Variants in KCNH7 observed in about 807,000 individuals in gnomAD.
The protein encoded by KCNH7 is voltage-gated inwardly rectifying potassium channel KCNH7.
KCNH7 carries 49 observed loss-of-function variants against 120.8 expected under a neutral mutation model. That is an observed-to-expected ratio of 0.41 (90% confidence interval 0.32 to 0.51). KCNH7 has a LOEUF of 0.51. Among genes scored for constraint, KCNH7 ranks in the 20% least tolerant of loss-of-function variants. KCNH7 has a pLI of 0.38. For synonymous variants in KCNH7, 547 were observed against 516.1 expected (o/e 1.06, Z -0.81); for missense variants, 1,097 against 1,446.6 (o/e 0.76, Z 3.92).
chr2:162,823,769 A>G (rs1379043359), intron 2 of KCNH7, among the ~76,000 whole-genome samples: 2 of 152,166 alleles, frequency 1.3e-5, no homozygotes, highest in Admixed American at 6.6e-5. Context: ...TCACCATCCA[A>G]CTAAAGTGGT....
chr2:162,426,636 A>G (rs940267291), intron 8 of KCNH7, among the ~76,000 whole-genome samples: 2 of 152,208 alleles, frequency 1.3e-5, no homozygotes, highest in Non-Finnish European at 1.5e-5. Flanking sequence ...TGGTCAGAAG[A>G]TATTAGCTGA....
At chr2:162,405,388 A>G (rs1249487079) in intron 9 of KCNH7, among the ~76,000 whole-genome samples, 1 of 151,992 alleles carries the variant, frequency 6.6e-6, no homozygotes, top group African/African-American at 2.4e-5. Context: ...ACAACAAAAC[A>G]TAATAACATT....
At chr2:162,373,949 A>G (rs567975047) in intron 14 of KCNH7, among the ~76,000 whole-genome samples, 3 of 152,332 alleles carry the variant, frequency 2.0e-5, no homozygotes, top group Non-Finnish European at 4.4e-5. Flanking sequence ...TTCAAAATGT[A>G]AAACACACTG....
At chr2:162,645,044 T>C (rs563538454) in intron 2 of KCNH7, among the ~76,000 whole-genome samples, 1 of 152,216 alleles carries the variant, frequency 6.6e-6, no homozygotes, top group Non-Finnish European at 1.5e-5. Context: ...AGTACAACTT[T>C]TCTGCTCTGT....
chr2:162,485,662 G>T (rs1690071516), intron 6 of KCNH7, among the ~76,000 whole-genome samples: 1 of 152,182 alleles, frequency 6.6e-6, no homozygotes, highest in African/African-American at 2.4e-5. Context: ...GAGAGAGAAT[G>T]TATGAGAACT....
In KCNH7 at chr2:162,429,383, CTT is replaced by C. The variant is rs60854157; in HGVS notation, c.1954+5813_1954+5814del. Reference sequence around the variant, plus strand: ...AGACATTTAGAAATGAGGAAAAAGTCTTTTTTTTTTTTTTTTTTTTTTACTCA... The same window carrying C: ...AGACATTTAGAAATGAGGAAAAAGTCTTTTTTTTTTTTTTTTTTTTACTCA... On this transcript the variant is annotated intron_variant, in intron 8 of 15. Coordinates refer to ENST00000332142, the MANE Select transcript of KCNH7 (RefSeq NM_033272.4). Among the ~76,000 whole-genome samples, 216 of 86,242 alleles carry C rather than the reference CTT, an allele frequency of 2.5e-3. 4 individuals carry two copies. Among genetic ancestry groups the C allele is most frequent in the African/African-American group, 0.012 (196 of 15,976 alleles). 56.6% of individuals were successfully genotyped at this position (86,242 alleles called of 152,430 possible). A position where few individuals can be genotyped will look rare whatever the true frequency, so the allele number is the denominator to read the frequency against.
chr2:162,646,900 C>G (rs574020241), intron 2 of KCNH7, among the ~76,000 whole-genome samples: 1 of 152,172 alleles, frequency 6.6e-6, no homozygotes, highest in Non-Finnish European at 1.5e-5. Context: ...GAGCAAAAAA[C>G]CCAGCTGAGT....
chr2:162,372,021 G>A lies in KCNH7; in HGVS notation c.3399C>T (p.Asn1133=). 1.2e-6 allele frequency: 2 copies of A among 1,612,468 alleles called. No homozygotes were observed. The highest frequency in any genetic ancestry group is 1.7e-6 in the Non-Finnish European group (2 of 1,178,626). ...KESLSSGVHL[N]TASEDNLTSL... is the part of the protein sequence containing the mutation. ...AAGTCAAGTTGTCTTCTGAAGCTGT[G>A]TTCAGATGCACCCCACTTGAAAGGG... Residue 1133 remains asparagine (N), a synonymous_variant, in exon 16 of 16, where the codon AAC becomes AAT. Transcript: ENST00000332142.
At chr2:162,533,498 GA>G (rs1350693544) in intron 3 of KCNH7, among the ~76,000 whole-genome samples, 12 of 151,514 alleles carry the variant, frequency 7.9e-5, no homozygotes, top group Admixed American at 7.2e-4. Flanking sequence ...AAAGAAAATG[GA>G]AAAAAGAAAA....
At chr2:162,402,347 G>A (rs1687090306) in intron 9 of KCNH7, among the ~76,000 whole-genome samples, 1 of 147,872 alleles carries the variant, frequency 6.8e-6, no homozygotes, top group African/African-American at 2.5e-5. Context: ...AACTGGAGTT[G>A]AACTAAATTT....
At chr2:162,386,511 C>T (rs1278277864) in intron 12 of KCNH7, among the ~76,000 whole-genome samples, 2 of 151,796 alleles carry the variant, frequency 1.3e-5, no homozygotes, top group Non-Finnish European at 2.9e-5. Flanking sequence ...GTGAATTGCA[C>T]CAGTTTGCTC....
intron 2 of KCNH7, among the ~76,000 whole-genome samples, chr2:162,632,832 T>C (rs1322697478): frequency 6.6e-6 from 1 of 151,802 alleles, no homozygotes; most frequent in South Asian, 2.1e-4. Context: ...ACAAATAAAT[T>C]TTATATGAAT....
At chr2:162,701,223 G>T (rs1303533319) in intron 2 of KCNH7, among the ~76,000 whole-genome samples, 1 of 151,932 alleles carries the variant, frequency 6.6e-6, no homozygotes, top group East Asian at 1.9e-4. Flanking sequence ...TCATTTCTGT[G>T]GTTATTTTTC....
intron 5 of KCNH7, among the ~76,000 whole-genome samples, chr2:162,509,764 T>TGC (rs1553485815): frequency 3.3e-5 from 5 of 151,564 alleles, no homozygotes; most frequent in South Asian, 2.1e-4. Flanking sequence ...ATTTATTTCA[T>TGC]TTATGAGTCA....
At chr2:162,426,214 TA>T (rs751111957) in intron 8 of KCNH7, among the ~76,000 whole-genome samples, 16,503 of 118,940 alleles carry the variant, frequency 0.14, 1,879 homozygotes, top group African/African-American at 0.33. Context: ...ACCCTATCTT[TA>T]AAAAAAAAAA....
intron 2 of KCNH7, among the ~76,000 whole-genome samples, chr2:162,550,134 A>G (rs1692619600): frequency 6.6e-6 from 1 of 152,176 alleles, no homozygotes; most frequent in Non-Finnish European, 1.5e-5. Context: ...AAATATAGAG[A>G]CATCGAATGG....
chr2:162,431,148 T>G (rs759259005), intron 8 of KCNH7, among the ~76,000 whole-genome samples: 1 of 152,034 alleles, frequency 6.6e-6, no homozygotes, highest in Non-Finnish European at 1.5e-5. Flanking sequence ...TGTTTTATTT[T>G]TAGTTTCCTT....
chr2:162,688,748 CT>C (rs1685992322), intron 2 of KCNH7, among the ~76,000 whole-genome samples: 1 of 94,302 alleles, frequency 1.1e-5, no homozygotes. Context: ...TTTTTTTTTT[CT>C]TTTTTGGTCT....
chr2:162,482,256 G>T (rs1689954334), intron 6 of KCNH7, among the ~76,000 whole-genome samples: 1 of 152,164 alleles, frequency 6.6e-6, no homozygotes, highest in Non-Finnish European at 1.5e-5. Context: ...TCTAGTCTAG[G>T]AATTGCTGCA....
Sources: gnomAD v4.1 joint callset for allele counts (sites outside exome capture counted in the v4.1 genomes callset) on GRCh38, gnomAD v4.1.1 for gene constraint, MANE v1.5 for transcripts, NCBI Gene and HGNC (gene_info 2026-07-23, HGNC 2026-07-21) for gene names.